Variants in GHITM observed in about 807,000 individuals in gnomAD.
GHITM encodes growth hormone-inducible transmembrane protein.
A neutral mutation model predicts 38.7 loss-of-function variants in GHITM; 24 were observed. The ratio of observed to expected loss-of-function variants is 0.62; its 90% confidence interval spans 0.45 to 0.87. The LOEUF is 0.87. Ranked by LOEUF, GHITM falls within the 40% of genes least tolerant of loss-of-function variation. GHITM has a pLI of 0.00. For missense variants in GHITM, 420 were observed against 429.8 expected (o/e 0.98, Z 0.20); for synonymous variants, 154 against 147.8 (o/e 1.04, Z -0.30).
intron 8 of GHITM, among the ~76,000 whole-genome samples, chr10:84,151,803 A>C (rs1298705515): frequency 6.6e-6 from 1 of 152,206 alleles, no homozygotes; most frequent in African/African-American, 2.4e-5. Flanking sequence ...ATCTAAAAAT[A>C]AAACTTAATG....
intron 6 of GHITM, 76 bp downstream of exon 6, chr10:84,148,914 G>A: frequency 2.5e-6 from 2 of 806,354 alleles, no homozygotes; most frequent in South Asian, 1.4e-5. Flanking sequence ...AGTTGTAAAT[G>A]ACCTACATGG....
Position 84,152,374 on chromosome 10 carries a change from C to G in GHITM, c.*26C>G, listed in dbSNP as rs753435761. The G allele has an allele frequency of 7.6e-7, 1 of 1,321,050 alleles. No individual in the cohort carries two copies. Among genetic ancestry groups the G allele is most frequent in the Admixed American group, 1.8e-5 (1 of 56,220 alleles). 81.8% of individuals were successfully genotyped at this position (1,321,050 alleles called of 1,614,324 possible). A position where few individuals can be genotyped will look rare whatever the true frequency, so the allele number is the denominator to read the frequency against. ...AGTGACTCAGCTTCTGGCTTCTCTG[C>G]TACATCAAATATCTTGTTTAATGGG... On this transcript the variant is annotated 3_prime_UTR_variant, in exon 9 of 9. Coordinates refer to ENST00000372134, the MANE Select transcript of GHITM (RefSeq NM_014394.3).
chr10:84,151,490 T>C (rs1400583978), intron 8 of GHITM, among the ~76,000 whole-genome samples: 4 of 152,180 alleles, frequency 2.6e-5, no homozygotes, highest in Admixed American at 6.5e-5. Context: ...CTCAGTTAAT[T>C]TTTTTGGTAG....
In GHITM at chr10:84,152,596, T is replaced by G. The variant is rs1483240492; in HGVS notation, c.*248T>G. ...CATGTTTGAGTGATTTTAAAATGTT[T>G]TGGTGAATGTGAAAACTAAAGTTTG... On this transcript the variant is annotated 3_prime_UTR_variant, in exon 9 of 9. Coordinates refer to ENST00000372134, the MANE Select transcript of GHITM (RefSeq NM_014394.3). 2.8e-6 allele frequency: 1 copy of G among 358,138 alleles called. No homozygotes were observed. The highest frequency in any genetic ancestry group is 5.0e-6 in the Non-Finnish European group (1 of 200,848). The allele number at this position is 358,138 out of a possible 1,614,324, so 22.2% of individuals were successfully genotyped here. A position where few individuals can be genotyped will look rare whatever the true frequency, so the allele number is the denominator to read the frequency against.
At chr10:84,149,414 A>AGG (rs1378985899) in intron 6 of GHITM, among the ~76,000 whole-genome samples, 1 of 152,226 alleles carries the variant, frequency 6.6e-6, no homozygotes, top group Non-Finnish European at 1.5e-5. Context: ...CTTTGTGCCT[A>AGG]GTCTATGAGG....
chr10:84,143,875 A>G (rs1296669108), intron 3 of GHITM, 120 bp from the exon 4 acceptor site: 2 of 744,604 alleles, frequency 2.7e-6, no homozygotes, highest in East Asian at 2.5e-5. Flanking sequence ...TCTGTACCCC[A>G]TATGCACTGA....
In GHITM at chr10:84,148,738, T is replaced by A. The variant is rs1044488316; in HGVS notation, c.492T>A (p.Gly164=). 3 of 1,606,788 alleles carry A rather than the reference T, an allele frequency of 1.9e-6. No individual in the cohort carries two copies. Among genetic ancestry groups the A allele is most frequent in the African/African-American group, 2.7e-5 (2 of 74,914 alleles). ...TAGTACTTGTCTTTCAGACAATTGGTGTGACCTTTGCAGCCATGGTTGGAG... is the reference window on the plus strand; with the variant it reads ...TAGTACTTGTCTTTCAGACAATTGGAGTGACCTTTGCAGCCATGGTTGGAG... ...FMMRGSWVTI[G]VTFAAMVGAG... is the part of the protein sequence containing the mutation. Residue 164 remains glycine (G), a synonymous_variant, in exon 6 of 9, where the codon GGT becomes GGA. Transcript: ENST00000372134.
At chr10:84,147,911 A>G (rs1437379148) in intron 5 of GHITM, among the ~76,000 whole-genome samples, 1 of 152,186 alleles carries the variant, frequency 6.6e-6, no homozygotes, top group Non-Finnish European at 1.5e-5. Flanking sequence ...GTGATAATCT[A>G]CTTTCTATTT....
At chr10:84,140,145 T>TA (rs367745966) in intron 1 of GHITM, 1 of 152,432 alleles carries the variant, frequency 6.6e-6, no homozygotes, top group African/African-American at 2.4e-5. Flanking sequence ...TCTGGGCTGT[T>TA]ACGCCACATG....
intron 4 of GHITM, 100 bp downstream of exon 4, chr10:84,144,206 GT>G: frequency 1.4e-6 from 1 of 727,784 alleles, no homozygotes; most frequent in Non-Finnish European, 2.5e-6. Flanking sequence ...ACTTTGGAAT[GT>G]TTTGTGTCTA....
chr10:84,152,604 T>C lies in GHITM; in HGVS notation c.*256T>C. On this transcript the variant is annotated 3_prime_UTR_variant, in exon 9 of 9. Transcript: ENST00000372134. ...AGTGATTTTAAAATGTTTTGGTGAA[T>C]GTGAAAACTAAAGTTTGTGTCATGA... 2.9e-6 allele frequency: 1 copy of C among 347,006 alleles called. No individual in the cohort carries two copies. Among genetic ancestry groups the C allele is most frequent in the African/African-American group, 2.1e-5 (1 of 47,520 alleles). 21.5% of individuals were successfully genotyped at this position (347,006 alleles called of 1,614,324 possible).
At position 84,150,211 on chromosome 10, in the gene GHITM, T is replaced by C; in HGVS notation, c.749T>C (p.Val250Ala). 6.2e-7 allele frequency: 1 copy of C among 1,611,360 alleles called. No individual in the cohort carries two copies. Among genetic ancestry groups the C allele is most frequent in the Admixed American group, 1.7e-5 (1 of 59,854 alleles). The change falls in exon 7 of 9, where the codon GTG becomes GCG. Residue 250 changes from valine to alanine, a missense_variant. Coordinates refer to ENST00000372134, the MANE Select transcript of GHITM (RefSeq NM_014394.3). ...CTGAACATGGGTGCACCCCTGGGAGTGGGCCTGGGTCTCGTCTTTGTGTCC... is the reference window on the plus strand; with the variant it reads ...CTGAACATGGGTGCACCCCTGGGAGCGGGCCTGGGTCTCGTCTTTGTGTCC... ...KFLNMGAPLG[V>A]GLGLVFVSSL...
rs1364149837 is a variant in GHITM at position 84,152,557 on chromosome 10, A to C, written c.*209A>C. 1 of 395,904 alleles carries C rather than the reference A, an allele frequency of 2.5e-6. No individual in the cohort carries two copies. The highest frequency in any genetic ancestry group is 4.5e-6 in the Non-Finnish European group (1 of 223,454). 24.5% of individuals were successfully genotyped at this position (395,904 alleles called of 1,614,324 possible). The stretch of plus-strand genomic sequence containing the variant: ...GTAATCCTCTCCCAAATAAGCACAC[A>C]CATTTTCAATTCTCATGTTTGAGTG... On this transcript the variant is annotated 3_prime_UTR_variant, in exon 9 of 9. Transcript: ENST00000372134.
Position 84,142,793 on chromosome 10 carries a change from G to A in GHITM, c.229+39G>A. On this transcript the variant is annotated intron_variant, in intron 3 of 8. Transcript: ENST00000372134. ...TTTAGTTTTTAACCTAGAATCTATG[G>A]ATATGTTTTAAGAGGTCCATGAACA... The A allele has an allele frequency of 2.7e-6, 3 of 1,127,950 alleles. No individual in the cohort carries two copies. The South Asian group carries it at 3.8e-5, about 14-fold the overall frequency. The allele number at this position is 1,127,950 out of a possible 1,614,324, so 69.9% of individuals were successfully genotyped here.
rs1195971526 is a variant in GHITM, at chr10:84,152,825, G to A, written c.*477G>A. ...TGTTTTTTTAAATACTTAGAACTTA[G>A]CACTTGTGTTATTGATTAGTGAGGA... On this transcript the variant is annotated 3_prime_UTR_variant, in exon 9 of 9. Coordinates refer to ENST00000372134, the MANE Select transcript of GHITM (RefSeq NM_014394.3). The A allele has an allele frequency of 6.6e-6, 1 of 152,670 alleles. No homozygotes were observed. The highest frequency in any genetic ancestry group is 1.5e-5 in the Non-Finnish European group (1 of 68,192). 9.5% of individuals were successfully genotyped at this position (152,670 alleles called of 1,614,324 possible).
At chr10:84,143,737 G>T (rs1031173261) in intron 3 of GHITM, among the ~76,000 whole-genome samples, 2 of 152,126 alleles carry the variant, frequency 1.3e-5, no homozygotes, top group Non-Finnish European at 2.9e-5. Flanking sequence ...CAGGTATACT[G>T]CTCCCTCAAA....
chr10:84,152,433 T>G lies in GHITM; in HGVS notation c.*85T>G, dbSNP rs1841621772. The G allele has an allele frequency of 7.3e-6, 5 of 686,528 alleles. No homozygotes were observed. Among genetic ancestry groups the G allele is most frequent in the Admixed American group, 5.4e-5 (2 of 36,968 alleles). 42.5% of individuals were successfully genotyped at this position (686,528 alleles called of 1,614,324 possible). On this transcript the variant is annotated 3_prime_UTR_variant, in exon 9 of 9. Coordinates refer to ENST00000372134, the MANE Select transcript of GHITM (RefSeq NM_014394.3). ...GCATTAAATAGTTTGTACAAGCAGCTTTCGTTGAAGTTTAGAAGATAAGAA... is the reference window on the plus strand; with the variant it reads ...GCATTAAATAGTTTGTACAAGCAGCGTTCGTTGAAGTTTAGAAGATAAGAA...
rs567891360 is a variant in GHITM at position 84,149,747 on chromosome 10, G to C, written c.593-308G>C. On this transcript the variant is annotated intron_variant, in intron 6 of 8. Transcript: ENST00000372134. ...TGTTTATCTCAATTATTATATGAAT[G>C]TTGTAGAAACTAGTGGTAAGCTCAG... 1.6e-3 allele frequency among the ~76,000 whole-genome samples: 248 copies of C among 152,278 alleles called. 1 individual carries two copies. Among genetic ancestry groups the C allele is most frequent in the African/African-American group, 5.6e-3 (234 of 41,552 alleles).
chr10:84,144,104 T>C lies in GHITM; in HGVS notation c.339T>C (p.Ala113=). The C allele has an allele frequency of 1.3e-6, 2 of 1,596,354 alleles. No individual in the cohort carries two copies. The highest frequency in any genetic ancestry group is 1.3e-5 in the African/African-American group (1 of 74,708). ...ATGAGATTGGAGCTATTGAAAAGGC[T>C]GTGTAAGTAAATTGTTTTAAGTAAA... ...LSNEIGAIEK[A]VIWPQYVKDR... The change falls in exon 4 of 9, where the codon GCT becomes GCC. Residue 113 remains alanine, a splice_region_variant and synonymous_variant. Transcript: ENST00000372134.
Sources: gnomAD v4.1 joint callset for allele counts (sites outside exome capture counted in the v4.1 genomes callset) on GRCh38, gnomAD v4.1.1 for gene constraint, MANE v1.5 for transcripts, NCBI Gene and HGNC (gene_info 2026-07-23, HGNC 2026-07-21) for gene names.